The following CNOT4 variants were observed in gnomAD, a reference collection of about 807,000 sequenced individuals.
The protein encoded by CNOT4 is CCR4-associated factor 4.
In CNOT4, 8 loss-of-function variants were observed where a neutral mutation model predicts 73.8. The ratio of observed to expected loss-of-function variants is 0.11; its 90% CI spans 0.06 to 0.20. CNOT4 has a LOEUF of 0.20. CNOT4 is among the 10% of genes least tolerant of loss of function. CNOT4 has a pLI of 1.00. For missense variants in CNOT4, 564 were observed against 883.4 expected (o/e 0.64, Z 4.58); for synonymous variants, 293 against 321.1 (o/e 0.91, Z 0.94).
chr7:135,457,647 T>C (rs984008886), intron 1 of CNOT4, among the ~76,000 whole-genome samples: 1 of 152,124 alleles, frequency 6.6e-6, no homozygotes, highest in Non-Finnish European at 1.5e-5. Context: ...ACATAAAATA[T>C]CTGTTCTCTT....
chr7:135,495,682 A>G (rs1276555078), intron 1 of CNOT4, among the ~76,000 whole-genome samples: 39 of 98,224 alleles, frequency 4.0e-4, no homozygotes, highest in Non-Finnish European at 6.1e-4. Context: ...AAAAAAAAAA[A>G]AAAAAAAAAA....
rs940444695 is a variant in CNOT4 at position 135,410,267 on chromosome 7, A to G, written c.821+248T>C. Among the ~76,000 whole-genome samples, 3 of 152,172 alleles carry G rather than the reference A, an allele frequency of 2.0e-5. 1 individual carries two copies. In the South Asian group the frequency reaches 6.2e-4, roughly 32 times the overall value. ...AATAAGGAAAGTATTCCCTGGGCTC[A>G]GAGTAGTCTGCAAATCACCACAAAA... On this transcript the variant is annotated intron_variant, in intron 7 of 11. Transcript: ENST00000541284.
In CNOT4 at chr7:135,506,852, AAAAAG is replaced by A. The variant is rs534034794; in HGVS notation, c.-93+3032_-93+3036del. Among the ~76,000 whole-genome samples, 47 of 152,194 alleles carry A rather than the reference AAAAAG, an allele frequency of 3.1e-4. 1 individual carries two copies. Among genetic ancestry groups the A allele is most frequent in the Admixed American group, 1.2e-3 (19 of 15,294 alleles). ...GACAGAGCGAGACTGTCTCAAAAAAAAAAAGAAAAGAAAAGAAAAAGAAAGAAAAG... is the reference window on the plus strand; with the variant it reads ...GACAGAGCGAGACTGTCTCAAAAAAAAAAAGAAAAGAAAAAGAAAGAAAAG... On this transcript the variant is annotated intron_variant, in intron 1 of 11. Transcript: ENST00000541284.
intron 4 of CNOT4, 110 bp downstream of exon 4, chr7:135,415,066 G>A (rs776756336): frequency 1.4e-6 from 1 of 716,952 alleles, no homozygotes; most frequent in South Asian, 1.7e-5. Context: ...CATTGCTTAA[G>A]TCCTTGTCCC....
chr7:135,384,268 A>T (rs1368457923), intron 10 of CNOT4: 1 of 164,454 alleles, frequency 6.1e-6, no homozygotes, highest in Non-Finnish European at 1.3e-5. Context: ...AGAGGAAGAT[A>T]CAGCCCACCT....
chr7:135,367,546 A>C (rs1433244569), intron 10 of CNOT4, among the ~76,000 whole-genome samples: 2 of 152,238 alleles, frequency 1.3e-5, no homozygotes, highest in African/African-American at 4.8e-5. Flanking sequence ...AATTTGGAGC[A>C]CATTACTTGC....
chr7:135,454,549 C>G (rs906172967), intron 1 of CNOT4, among the ~76,000 whole-genome samples: 5 of 151,670 alleles, frequency 3.3e-5, no homozygotes, highest in African/African-American at 1.2e-4. Flanking sequence ...TGGTACGCAC[C>G]TGTGGTCCCA....
At chr7:135,504,455 C>T (rs1243479677) in intron 1 of CNOT4, among the ~76,000 whole-genome samples, 2 of 133,764 alleles carry the variant, frequency 1.5e-5, no homozygotes, top group Non-Finnish European at 3.1e-5. Flanking sequence ...GCCACCACAT[C>T]CGGCTAATTT....
chr7:135,453,826 T>TTATATATATATATATATATATATATATA (rs55732572), intron 1 of CNOT4, among the ~76,000 whole-genome samples: 2 of 89,902 alleles, frequency 2.2e-5, no homozygotes, highest in African/African-American at 3.9e-5. Flanking sequence ...TATATATATT[T>TTATATATATATATATATATATATATATA]TATATATATA....
chr7:135,399,847 T>C (rs942717198), intron 7 of CNOT4, among the ~76,000 whole-genome samples: 29 of 152,072 alleles, frequency 1.9e-4, no homozygotes, highest in Admixed American at 1.9e-3. Context: ...ATATGGGTAA[T>C]GCAAACAGTT....
intron 1 of CNOT4, among the ~76,000 whole-genome samples, chr7:135,472,554 T>TATATATATATAC (rs1801702533): frequency 1.3e-5 from 1 of 77,048 alleles, no homozygotes; most frequent in Non-Finnish European, 2.3e-5. Context: ...TATATATATA[T>TATATATATATAC]ATATAAAGTG....
intron 2 of CNOT4, among the ~76,000 whole-genome samples, chr7:135,434,627 C>T (rs1032365545): frequency 1.3e-5 from 2 of 152,130 alleles, no homozygotes; most frequent in African/African-American, 2.4e-5. Context: ...CTTATCCAGT[C>T]TCGTGATGTT....
At chr7:135,461,626 G>A (rs909594073) in intron 1 of CNOT4, among the ~76,000 whole-genome samples, 29 of 152,274 alleles carry the variant, frequency 1.9e-4, no homozygotes, top group Non-Finnish European at 4.0e-4. Context: ...GAGGTCAGGA[G>A]TTCAAGACCA....
rs1197295958 is a variant in CNOT4 at position 135,388,322 on chromosome 7, C to T, written c.1627+5596G>A. The T allele has an allele frequency of 1.1e-5, 11 of 985,070 alleles. No homozygotes were observed. In the South Asian group the frequency reaches 3.3e-4, roughly 29 times the overall value. The allele number at this position is 985,070 out of a possible 1,614,324, so 61.0% of individuals were successfully genotyped here. A position where few individuals can be genotyped will look rare whatever the true frequency, so the allele number is the denominator to read the frequency against. On this transcript the variant is annotated intron_variant, in intron 10 of 11. Transcript: ENST00000541284. ...TCCTTCTGAGCATTAAATGACACCA[C>T]CAATTTTGTTTTATATGTATTCTTT...
chr7:135,507,660 A>G (rs1418894218), intron 1 of CNOT4, among the ~76,000 whole-genome samples: 1 of 152,204 alleles, frequency 6.6e-6, no homozygotes, highest in Non-Finnish European at 1.5e-5. Context: ...TACCAGACAA[A>G]CAATCCTCTC....
intron 1 of CNOT4, among the ~76,000 whole-genome samples, chr7:135,485,362 A>G (rs1459411863): frequency 6.6e-6 from 1 of 152,154 alleles, no homozygotes; most frequent in South Asian, 2.1e-4. Context: ...GAGCCACCAC[A>G]GCTGGCGGTT....
chr7:135,470,048 C>T (rs1801478069), intron 1 of CNOT4, among the ~76,000 whole-genome samples: 1 of 152,078 alleles, frequency 6.6e-6, no homozygotes, highest in South Asian at 2.1e-4. Context: ...GTCTCGAACT[C>T]CTGGCCTCAA....
chr7:135,494,567 G>A (rs1423766823), intron 1 of CNOT4, among the ~76,000 whole-genome samples: 1 of 149,732 alleles, frequency 6.7e-6, no homozygotes, highest in African/African-American at 2.5e-5. Context: ...AATCCAACAA[G>A]CAAATATTGA....
At chr7:135,429,124 G>A (rs1798675890) in intron 2 of CNOT4, among the ~76,000 whole-genome samples, 1 of 152,138 alleles carries the variant, frequency 6.6e-6, no homozygotes, top group African/African-American at 2.4e-5. Context: ...TTCTCCTGGT[G>A]TTTATAATGG....
Sources: gnomAD v4.1 joint callset for allele counts (sites outside exome capture counted in the v4.1 genomes callset) on GRCh38, gnomAD v4.1.1 for gene constraint, MANE v1.5 for transcripts, NCBI Gene and HGNC (gene_info 2026-07-23, HGNC 2026-07-21) for gene names.